GABRG3: variants seen among roughly 807,000 people sequenced by gnomAD.
GABRG3 encodes gamma-aminobutyric acid receptor subunit gamma-3.
Under a neutral mutation model 48.8 loss-of-function variants are expected in GABRG3, and 25 were observed. The observed-to-expected ratio is 0.51, with a 90% CI of 0.37 to 0.72. GABRG3 has a LOEUF of 0.72. GABRG3 is among the 30% of genes least tolerant of loss of function. The pLI, the probability that GABRG3 is intolerant of heterozygous loss-of-function variation, is 0.00. For missense variants in GABRG3, 394 were observed against 577.9 expected, an observed-to-expected ratio of 0.68 and a Z score of 3.26; for synonymous variants, 227 against 217.6, an observed-to-expected ratio of 1.04 and a Z score of -0.38.
rs111910385 is a variant in GABRG3, at chr15:27,398,666, G to GCACACACACACACACACA, written c.574+69784_574+69801dup. Among the ~76,000 whole-genome samples, 4 of 147,222 alleles carry GCACACACACACACACACA rather than the reference G, an allele frequency of 2.7e-5. No individual in the cohort carries two copies. The East Asian group carries it at 5.9e-4, about 22-fold the overall frequency. ...TGGGTAGGGGAGATGACAAGCGCGC[G>GCACACACACACACACACA]CACACACACACACACACACACACCC... On this transcript the variant is annotated intron_variant, in intron 5 of 9. Coordinates refer to ENST00000615808, the MANE Select transcript of GABRG3 (RefSeq NM_033223.5).
At chr15:27,040,187 T>A (rs983634112) in intron 3 of GABRG3, among the ~76,000 whole-genome samples, 6 of 152,204 alleles carry the variant, frequency 3.9e-5, no homozygotes, top group African/African-American at 1.2e-4. Flanking sequence ...ACTTGCTGTG[T>A]TCGGGGTGGC....
intron 2 of GABRG3, among the ~76,000 whole-genome samples, chr15:27,004,898 C>T (rs1275215756): frequency 6.6e-6 from 1 of 152,070 alleles, no homozygotes; most frequent in Non-Finnish European, 1.5e-5. Context: ...GTCAGCTGGG[C>T]TGGACATACC....
intron 3 of GABRG3, among the ~76,000 whole-genome samples, chr15:27,159,904 T>C (rs1209407886): frequency 6.6e-6 from 1 of 152,178 alleles, no homozygotes; most frequent in Non-Finnish European, 1.5e-5. Context: ...ACTGTAGTGT[T>C]TTGTTGGCAG....
intron 5 of GABRG3, among the ~76,000 whole-genome samples, chr15:27,339,505 CCTTGCTTCCCGTTACTGTAGA>C (rs1479127399): frequency 6.6e-6 from 1 of 152,218 alleles, no homozygotes; most frequent in African/African-American, 2.4e-5. Context: ...CCCTTCCTGT[CCTTGCTTCCCGTTACTGTAGA>C]CTTGCACACC....
chr15:27,307,727 A>T lies in GABRG3; in HGVS notation c.271-19082A>T, dbSNP rs955938299. 4.0e-5 allele frequency among the ~76,000 whole-genome samples: 5 copies of T among 126,126 alleles called. No individual in the cohort carries two copies. The East Asian group carries it at 7.9e-4, about 20-fold the overall frequency. The allele number at this position is 126,126 out of a possible 152,430, so 82.7% of individuals were successfully genotyped here. A position where few individuals can be genotyped will look rare whatever the true frequency, so the allele number is the denominator to read the frequency against. On this transcript the variant is annotated intron_variant, in intron 3 of 9. Transcript: ENST00000615808. ...TATATAAACCTATAGGTTTATATATAAATATATAATCATAGGTTTATATAT... is the reference window on the plus strand; with the variant it reads ...TATATAAACCTATAGGTTTATATATTAATATATAATCATAGGTTTATATAT...
chr15:27,163,467 C>A (rs1437007794), intron 3 of GABRG3, among the ~76,000 whole-genome samples: 1 of 152,154 alleles, frequency 6.6e-6, no homozygotes, highest in Admixed American at 6.5e-5. Flanking sequence ...CTCATAACCT[C>A]CATGTGATCA....
chr15:27,013,815 T>TC (rs1895730710), intron 2 of GABRG3, among the ~76,000 whole-genome samples: 1 of 152,080 alleles, frequency 6.6e-6, no homozygotes, highest in African/African-American at 2.4e-5. Flanking sequence ...TTCTTTTTTT[T>TC]CCCCCAGGAT....
intron 3 of GABRG3, among the ~76,000 whole-genome samples, chr15:27,229,769 G>T (rs139736307): frequency 6.6e-6 from 1 of 152,088 alleles, no homozygotes; most frequent in Non-Finnish European, 1.5e-5. Flanking sequence ...GAGCCTCTGC[G>T]CCCAGCTATG....
chr15:27,007,897 C>G (rs1895617504), intron 2 of GABRG3, among the ~76,000 whole-genome samples: 1 of 152,076 alleles, frequency 6.6e-6, no homozygotes, highest in African/African-American at 2.4e-5. Flanking sequence ...TCTGCAGAAG[C>G]TCTTTAGTTT....
chr15:27,309,281 T>C (rs1892914169), intron 3 of GABRG3, among the ~76,000 whole-genome samples: 1 of 151,050 alleles, frequency 6.6e-6, no homozygotes, highest in South Asian at 2.1e-4. Flanking sequence ...CATATGTATA[T>C]GAATTCTGTG....
chr15:27,382,022 A>G (rs1343863103), intron 5 of GABRG3, among the ~76,000 whole-genome samples: 1 of 152,198 alleles, frequency 6.6e-6, no homozygotes, highest in Non-Finnish European at 1.5e-5. Context: ...TGTTAAATGT[A>G]GTTATTATTA....
rs142183841 is a variant in GABRG3, at chr15:27,191,348, C to T, written c.271-135461C>T. Among the ~76,000 whole-genome samples the T allele has an allele frequency of 7.9e-3, 1,199 of 152,104 alleles. 16 individuals are homozygous for T. Among genetic ancestry groups the T allele is most frequent in the African/African-American group, 0.028 (1,160 of 41,456 alleles). On this transcript the variant is annotated intron_variant, in intron 3 of 9. Coordinates refer to ENST00000615808, the MANE Select transcript of GABRG3 (RefSeq NM_033223.5). Reference sequence around the variant, plus strand: ...GTGTTAAAGTCTCCCATTATTACTGCGTGGGAGTCTAAGTCTCTTTGTAGG... The same window carrying T: ...GTGTTAAAGTCTCCCATTATTACTGTGTGGGAGTCTAAGTCTCTTTGTAGG...
chr15:27,025,202 G>T lies in GABRG3; in HGVS notation c.203-1552G>T, dbSNP rs199792685. Among the ~76,000 whole-genome samples, 25 of 152,192 alleles carry T rather than the reference G, an allele frequency of 1.6e-4. No homozygotes were observed. The East Asian group carries it at 3.3e-3, about 20-fold the overall frequency. ...TGCAAGCTGTTAAGGCTTTATGTTTGTTGGTTCTTTTTATTTAATGATATA... is the reference window on the plus strand; with the variant it reads ...TGCAAGCTGTTAAGGCTTTATGTTTTTTGGTTCTTTTTATTTAATGATATA... On this transcript the variant is annotated intron_variant, in intron 2 of 9. Transcript: ENST00000615808.
Position 27,201,371 on chromosome 15 carries a change from T to A in GABRG3, c.271-125438T>A, listed in dbSNP as rs138115308. On this transcript the variant is annotated intron_variant, in intron 3 of 9. Coordinates refer to ENST00000615808, the MANE Select transcript of GABRG3 (RefSeq NM_033223.5). ...AGGGGTGCGTGTGTGTGTGTGTGTG[T>A]GAGAGAGAAAGAGAGAGAGAACCAC... 3.1e-3 allele frequency among the ~76,000 whole-genome samples: 447 copies of A among 146,420 alleles called. 5 individuals carry two copies. Among genetic ancestry groups the A allele is most frequent in the African/African-American group, 9.8e-3 (387 of 39,474 alleles).
chr15:27,214,694 A>ATTTT (rs58631276), intron 3 of GABRG3, among the ~76,000 whole-genome samples: 7,137 of 145,728 alleles, frequency 0.049, 312 homozygotes, highest in East Asian at 0.15. Flanking sequence ...TCACATCCAC[A>ATTTT]TTTTTTTTTT....
intron 5 of GABRG3, among the ~76,000 whole-genome samples, chr15:27,476,012 C>G (rs1356735782): frequency 6.6e-6 from 1 of 151,984 alleles, no homozygotes; most frequent in African/African-American, 2.4e-5. Context: ...TTATAATGAA[C>G]CAAGGTGAAC....
At chr15:27,090,515 G>A (rs1336533802) in intron 3 of GABRG3, among the ~76,000 whole-genome samples, 1 of 152,048 alleles carries the variant, frequency 6.6e-6, no homozygotes, top group African/African-American at 2.4e-5. Context: ...CAACCTATGA[G>A]GGTTCCAATT....
At chr15:27,191,349 G>A (rs1473931957) in intron 3 of GABRG3, among the ~76,000 whole-genome samples, 6 of 152,102 alleles carry the variant, frequency 3.9e-5, no homozygotes, top group African/African-American at 1.4e-4. Flanking sequence ...TTATTACTGC[G>A]TGGGAGTCTA....
intron 6 of GABRG3, among the ~76,000 whole-genome samples, chr15:27,485,180 G>A (rs1406187643): frequency 5.3e-5 from 8 of 152,164 alleles, no homozygotes; most frequent in African/African-American, 1.9e-4. Context: ...CCATGCATAT[G>A]ATGCGATGAA....
Sources: allele counts gnomAD v4.1 joint callset (sites outside exome capture counted in the v4.1 genomes callset), GRCh38; gene constraint gnomAD v4.1.1; transcripts MANE v1.5; gene names NCBI Gene and HGNC (gene_info 2026-07-23, HGNC 2026-07-21).